MAMLD1: variants seen among roughly 807,000 people sequenced by gnomAD.
MAMLD1 encodes the protein mastermind like domain containing 1.
Under a neutral mutation model 45.0 loss-of-function variants are expected in MAMLD1, and 14 were observed. The ratio of observed to expected loss-of-function variants is 0.31; its 90% confidence interval spans 0.21 to 0.49. The LOEUF is 0.49. MAMLD1 is among the 20% of genes least tolerant of loss of function. MAMLD1 has a pLI of 0.99. For missense variants in MAMLD1, 543 were observed against 603.6 expected (o/e 0.90, Z 1.05); for synonymous variants, 254 against 247.8 (o/e 1.02, Z -0.24).
At chrX:150,509,885 G>A (rs1455150255) in intron 6 of MAMLD1, 77 bp from the exon 7 acceptor site, 17 of 737,127 alleles carry the variant, frequency 2.3e-5, no homozygotes, top group Non-Finnish European at 3.2e-5. Flanking sequence ...CAAGTCCTAG[G>A]TCCCCACGCA....
upstream of MAMLD1, chrX:150,361,828 C>G (rs1428951035): frequency 3.5e-5 from 4 of 112,756 alleles, no homozygotes; most frequent in Non-Finnish European, 5.6e-5. Context: ...CGCGCTGGCC[C>G]GCCCGGCAGT....
At chrX:150,499,458 T>C (rs2037489019) in intron 5 of MAMLD1, among the ~76,000 whole-genome samples, 1 of 111,919 alleles carries the variant, frequency 8.9e-6, no homozygotes, top group Admixed American at 9.5e-5. Flanking sequence ...TGAATATCTA[T>C]GGGGGTTAGT....
At chrX:150,420,305 C>T (rs1448908267) in intron 1 of MAMLD1, among the ~76,000 whole-genome samples, 1 of 79,798 alleles carries the variant, frequency 1.3e-5, no homozygotes, top group Non-Finnish European at 2.4e-5. Flanking sequence ...CCTTTAAGCA[C>T]TTCTCTGTAT....
rs781802555 is a variant in MAMLD1 at position 150,471,052 on chromosome X, A to ACAGCAGCAG, written c.1497_1505dup (p.Gln500_Gln502dup). On this transcript the variant is annotated inframe_insertion, in exon 4 of 8. Transcript: ENST00000370401. ...CCACCAGTAATCTTCTAAGCCAGCA[A>ACAGCAGCAG]CAGCAGCAGCAGCAGCAGCAGCAGC... 31 of 1,207,870 alleles carry ACAGCAGCAG rather than the reference A, an allele frequency of 2.6e-5. No homozygotes were observed. The highest frequency in any genetic ancestry group is 3.5e-5 in the African/African-American group (2 of 56,387).
chrX:150,482,965 AC>A (rs1332715263), intron 5 of MAMLD1, among the ~76,000 whole-genome samples: 2 of 112,314 alleles, frequency 1.8e-5, no homozygotes, highest in African/African-American at 6.5e-5. Flanking sequence ...AAGTCTGGAA[AC>A]ACCGGGATGA....
chrX:150,366,641 A>T (rs1423430678), intron 1 of MAMLD1, among the ~76,000 whole-genome samples: 1 of 111,638 alleles, frequency 9.0e-6, no homozygotes, highest in African/African-American at 3.3e-5. Context: ...TCACTTCATG[A>T]CCAGTTTGCA....
chrX:150,456,993 G>T (rs1367262103), intron 2 of MAMLD1, among the ~76,000 whole-genome samples: 2 of 112,680 alleles, frequency 1.8e-5, no homozygotes, highest in Non-Finnish European at 3.8e-5. Context: ...AACTCAAATG[G>T]CAGTGACCAG....
chrX:150,479,864 A>G (rs2036700433), intron 5 of MAMLD1, among the ~76,000 whole-genome samples: 1 of 112,072 alleles, frequency 8.9e-6, no homozygotes. Context: ...GATGAAACTC[A>G]CGGTAGACTT....
intron 2 of MAMLD1, among the ~76,000 whole-genome samples, chrX:150,453,841 C>T (rs1325483404): frequency 8.9e-6 from 1 of 112,318 alleles, no homozygotes; most frequent in East Asian, 2.8e-4. Context: ...GCTCTGCCCC[C>T]AGTCCTTCTC....
chrX:150,446,262 G>A (rs1440998448), intron 2 of MAMLD1, among the ~76,000 whole-genome samples: 3 of 112,087 alleles, frequency 2.7e-5, no homozygotes, highest in Non-Finnish European at 1.9e-5. Flanking sequence ...CTGTTAGCAG[G>A]AATTGCAGCA....
At chrX:150,398,326 GAAGAAGAAGAA>G (rs1569564607) in intron 1 of MAMLD1, among the ~76,000 whole-genome samples, 86 of 87,956 alleles carry the variant, frequency 9.8e-4, no homozygotes, top group African/African-American at 1.6e-3. Context: ...AGAAGAAGAA[GAAGAAGAAGAA>G]GAAGAGGAAG....
intron 2 of MAMLD1, among the ~76,000 whole-genome samples, chrX:150,461,342 C>T (rs2036031072): frequency 8.9e-6 from 1 of 112,779 alleles, no homozygotes; most frequent in Non-Finnish European, 1.9e-5. Flanking sequence ...ACAGCCCACT[C>T]GCTTGTGCGG....
Position 150,503,227 on chromosome X carries a change from C to T in MAMLD1, c.2041-47C>T, listed in dbSNP as rs782418931. 4 of 1,114,027 alleles carry T rather than the reference C, an allele frequency of 3.6e-6. No homozygotes were observed. In the Admixed American group the frequency reaches 6.5e-5, roughly 18 times the overall value. The allele number at this position is 1,114,027 out of a possible 1,213,427, so 91.8% of individuals were successfully genotyped here. On this transcript the variant is annotated intron_variant, in intron 5 of 7. Coordinates refer to ENST00000370401, the MANE Select transcript of MAMLD1 (RefSeq NM_005491.5). ...GGGCAGTGACAAGATCAGTCAGAAC[C>T]ATTTTGTGGCCAAGCAGCTGATGGA...
rs1569564603 is a variant in MAMLD1 at position 150,398,325 on chromosome X, AGAAGAAGAAGAAGAAGAGGAAGAG to A, written c.-64+34801_-64+34824del. On this transcript the variant is annotated intron_variant, in intron 1 of 7. Coordinates refer to ENST00000370401, the MANE Select transcript of MAMLD1 (RefSeq NM_005491.5). Reference sequence around the variant, plus strand: ...AAGAAGAAGAAGAAGAAGAAGAAGAAGAAGAAGAAGAAGAAGAGGAAGAGGAAGAGGAAGAGGAAGAGGAAGAGG... The same window carrying A: ...AAGAAGAAGAAGAAGAAGAAGAAGAAGAAGAGGAAGAGGAAGAGGAAGAGG... Among the ~76,000 whole-genome samples the A allele has an allele frequency of 1.7e-3, 141 of 82,518 alleles. 1 individual carries two copies. The highest frequency in any genetic ancestry group is 4.4e-3 in the African/African-American group (92 of 21,042). The allele number at this position is 82,518 out of a possible 115,157, so 71.7% of individuals were successfully genotyped here.
At chrX:150,428,132 T>C (rs184521335) in intron 1 of MAMLD1, among the ~76,000 whole-genome samples, 1 of 111,164 alleles carries the variant, frequency 9.0e-6, no homozygotes, top group African/African-American at 3.3e-5. Context: ...CTTTCATATC[T>C]TCTTCTGGGT....
At chrX:150,389,000 C>T (rs2124490083) in intron 1 of MAMLD1, among the ~76,000 whole-genome samples, 1 of 111,754 alleles carries the variant, frequency 8.9e-6, no homozygotes, top group South Asian at 3.8e-4. Flanking sequence ...TCTGCGTTAG[C>T]CATGTCCCAC....
Position 150,470,665 on chromosome X carries a change from C to A in MAMLD1, c.1092C>A (p.Ser364Arg). The A allele has an allele frequency of 8.3e-7, 1 of 1,212,007 alleles. No homozygotes were observed. The highest frequency in any genetic ancestry group is 1.1e-6 in the Non-Finnish European group (1 of 895,554). ...CACCACCCCCATTCAGCCCCCAGAG[C>A]CTCATGGTGTCCTGCATGTCGTCCA... ...PPPPPPFSPQ[S>R]LMVSCMSSNT... The change falls in exon 4 of 8, where the codon AGC (serine) becomes AGA (arginine). Residue 364 changes from serine (S) to arginine (R), a missense_variant. Physicochemically the swap from Ser to Arg is moderately radical, Grantham distance 110. Transcript: ENST00000370401.
chrX:150,402,836 A>G (rs910632715), intron 1 of MAMLD1, among the ~76,000 whole-genome samples: 15 of 109,494 alleles, frequency 1.4e-4, no homozygotes, highest in Non-Finnish European at 1.9e-4. Context: ...AAAACCAAAC[A>G]CCGTATGTTC....
At chrX:150,467,392 A>G (rs192196414) in intron 3 of MAMLD1, among the ~76,000 whole-genome samples, 35 of 111,780 alleles carry the variant, frequency 3.1e-4, no homozygotes, top group Non-Finnish European at 5.1e-4. Context: ...GAGCTGCTCC[A>G]TGGACCAGCT....
Sources: allele counts gnomAD v4.1 joint callset (sites outside exome capture counted in the v4.1 genomes callset), GRCh38; gene constraint gnomAD v4.1.1; transcripts MANE v1.5; gene names NCBI Gene and HGNC (gene_info 2026-07-23, HGNC 2026-07-21).